Variants in ZBTB7C observed in about 807,000 individuals in gnomAD.
ZBTB7C encodes the protein zinc finger and BTB domain containing 7C, also known as zinc finger and BTB domain-containing protein 7C.
In ZBTB7C, 8 loss-of-function variants were observed where a neutral mutation model predicts 25.7. The ratio of observed to expected loss-of-function variants is 0.31; its 90% CI spans 0.18 to 0.56. The LOEUF (loss-of-function observed/expected upper bound fraction) is 0.56, where lower values mean the gene tolerates loss of function less well. ZBTB7C is among the 20% of genes least tolerant of loss of function. ZBTB7C has a pLI of 0.91. For missense variants in ZBTB7C, 824 were observed against 855.2 expected (o/e 0.96, Z 0.46); for synonymous variants, 394 against 369.0 (o/e 1.07, Z -0.78).
At chr18:48,380,520 A>C (rs980855693) in intron 1 of ZBTB7C, among the ~76,000 whole-genome samples, 1 of 152,174 alleles carries the variant, frequency 6.6e-6, no homozygotes, top group East Asian at 1.9e-4. Context: ...ACAGACATAC[A>C]TATGTACAGT....
At chr18:48,350,915 T>C (rs28520589) in intron 1 of ZBTB7C, among the ~76,000 whole-genome samples, 28,371 of 151,960 alleles carry the variant, frequency 0.19, 3,241 homozygotes, top group African/African-American at 0.33. Flanking sequence ...GGATGCACTA[T>C]AGTTGATTAA....
At chr18:48,173,558 C>T (rs1175243985) in intron 3 of ZBTB7C, among the ~76,000 whole-genome samples, 1 of 152,206 alleles carries the variant, frequency 6.6e-6, no homozygotes, top group Non-Finnish European at 1.5e-5. Context: ...CTTTCCAAGG[C>T]CTGGCAAATC....
chr18:48,227,247 C>T (rs900278419), intron 2 of ZBTB7C, among the ~76,000 whole-genome samples: 2 of 152,168 alleles, frequency 1.3e-5, no homozygotes, highest in Admixed American at 6.5e-5. Context: ...GAAAAAGATG[C>T]CACTGTGTCC....
intron 3 of ZBTB7C, chr18:48,165,367 A>G: frequency 2.6e-6 from 1 of 381,626 alleles, no homozygotes; most frequent in South Asian, 2.0e-5. Flanking sequence ...ATGAGCAAGA[A>G]TCGCCCTGCG....
At chr18:48,304,654 A>T (rs1225094273) in intron 2 of ZBTB7C, among the ~76,000 whole-genome samples, 2 of 152,114 alleles carry the variant, frequency 1.3e-5, no homozygotes, top group Non-Finnish European at 2.9e-5. Context: ...CAGCCTGGGC[A>T]ACACAGTGAG....
At chr18:48,078,145 T>C (rs767606759) in intron 3 of ZBTB7C, among the ~76,000 whole-genome samples, 1 of 152,160 alleles carries the variant, frequency 6.6e-6, no homozygotes, top group Non-Finnish European at 1.5e-5. Flanking sequence ...CCCTCTGGCT[T>C]ATCTCGCATG....
chr18:48,390,258 C>T (rs916419669), intron 1 of ZBTB7C, among the ~76,000 whole-genome samples: 2 of 151,572 alleles, frequency 1.3e-5, no homozygotes, highest in Non-Finnish European at 2.9e-5. Flanking sequence ...TTTTTTAATA[C>T]ATGGATACAT....
At chr18:48,205,410 G>A (rs1481992392) in intron 2 of ZBTB7C, among the ~76,000 whole-genome samples, 5 of 151,936 alleles carry the variant, frequency 3.3e-5, no homozygotes, top group East Asian at 2.0e-4. Flanking sequence ...GTACAATGCC[G>A]AGACAAATAA....
At chr18:48,223,326 TTATTCTAATTGTCA>T (rs1240728440) in intron 2 of ZBTB7C, among the ~76,000 whole-genome samples, 1 of 152,114 alleles carries the variant, frequency 6.6e-6, no homozygotes, top group Admixed American at 6.6e-5. Flanking sequence ...CCCATACCCC[TTATTCTAATTGTCA>T]TATTCTAGAA....
chr18:48,352,345 C>T (rs1452546067), intron 1 of ZBTB7C, among the ~76,000 whole-genome samples: 1 of 152,244 alleles, frequency 6.6e-6, no homozygotes, highest in Non-Finnish European at 1.5e-5. Flanking sequence ...TGCTCACAGC[C>T]CTGCTGGCTG....
rs1392017138 is a variant in ZBTB7C at position 48,101,862 on chromosome 18, A to G, written c.-16-60739T>C. On this transcript the variant is annotated intron_variant, in intron 3 of 4. Transcript: ENST00000590800. ...GTGCGGACAAGACTCCCACCAGACC[A>G]GGGTGGCTGGTTCGCTCTCTCTGCA... 2.0e-5 allele frequency among the ~76,000 whole-genome samples: 3 copies of G among 152,228 alleles called. No homozygotes were observed. The East Asian group carries it at 5.8e-4, about 29-fold the overall frequency.
chr18:48,182,346 C>G (rs1404355883), intron 3 of ZBTB7C, among the ~76,000 whole-genome samples: 1 of 152,102 alleles, frequency 6.6e-6, no homozygotes, highest in Non-Finnish European at 1.5e-5. Flanking sequence ...TCTGCCAGGC[C>G]TCCACGATTA....
At chr18:48,396,165 C>A (rs1386452459) in intron 1 of ZBTB7C, among the ~76,000 whole-genome samples, 1 of 152,204 alleles carries the variant, frequency 6.6e-6, no homozygotes, top group Non-Finnish European at 1.5e-5. Flanking sequence ...TAGACAGAGG[C>A]AAGGACACAA....
chr18:48,351,640 C>T (rs1288559233), intron 1 of ZBTB7C, among the ~76,000 whole-genome samples: 2 of 152,200 alleles, frequency 1.3e-5, no homozygotes, highest in African/African-American at 4.8e-5. Context: ...GGAGATGTTG[C>T]TTCAACTTGA....
chr18:48,278,442 T>C (rs909337431), intron 2 of ZBTB7C, among the ~76,000 whole-genome samples: 4 of 150,620 alleles, frequency 2.7e-5, no homozygotes, highest in Non-Finnish European at 4.4e-5. Flanking sequence ...TTCTTTTTTT[T>C]CTTTTTTTTT....
At chr18:48,073,438 G>A (rs922995056) in intron 3 of ZBTB7C, among the ~76,000 whole-genome samples, 1 of 152,116 alleles carries the variant, frequency 6.6e-6, no homozygotes, top group Non-Finnish European at 1.5e-5. Context: ...TGGTGGGCAG[G>A]GGTGGCCGTC....
rs549680309 is a variant in ZBTB7C, at chr18:48,268,757, G to A, written c.-79+69417C>T. ...AGACATATACATGTAAATGTGGGGT[G>A]TAGATAAAAATGTAGATATATCTAT... On this transcript the variant is annotated intron_variant, in intron 2 of 4. Coordinates refer to ENST00000590800, the MANE Select transcript of ZBTB7C (RefSeq NM_001318841.2). 9.9e-5 allele frequency among the ~76,000 whole-genome samples: 15 copies of A among 151,430 alleles called. No homozygotes were observed. In the East Asian group the frequency reaches 2.5e-3, roughly 26 times the overall value.
intron 2 of ZBTB7C, among the ~76,000 whole-genome samples, chr18:48,234,566 C>T (rs1175325811): frequency 6.6e-6 from 1 of 152,092 alleles, no homozygotes; most frequent in African/African-American, 2.4e-5. Flanking sequence ...TCACAGCACA[C>T]CATGAACTCT....
chr18:48,100,474 A>G (rs2038790142), intron 3 of ZBTB7C, among the ~76,000 whole-genome samples: 1 of 152,158 alleles, frequency 6.6e-6, no homozygotes, highest in Admixed American at 6.5e-5. Flanking sequence ...GGGGAAATAA[A>G]TCTTGGGAGA....
Sources: allele counts gnomAD v4.1 joint callset (sites outside exome capture counted in the v4.1 genomes callset), GRCh38; gene constraint gnomAD v4.1.1; transcripts MANE v1.5; gene names NCBI Gene and HGNC (gene_info 2026-07-23, HGNC 2026-07-21).